CNTN5: variants seen among roughly 807,000 people sequenced by gnomAD.
CNTN5 encodes contactin-5.
CNTN5 carries 77 observed loss-of-function variants against 129.1 expected under a neutral mutation model. That is an observed-to-expected ratio of 0.60 (90% CI 0.50 to 0.72). The LOEUF (loss-of-function observed/expected upper bound fraction) is 0.72, where lower values mean the gene tolerates loss of function less well. Among genes scored for constraint, CNTN5 ranks in the 30% least tolerant of loss-of-function variants. The pLI is 0.00. For synonymous variants in CNTN5, 509 were observed against 465.6 expected, an observed-to-expected ratio of 1.09 and a Z score of -1.20; for missense variants, 1,478 against 1,328.8, an observed-to-expected ratio of 1.11 and a Z score of -1.75.
chr11:100,108,034 G>A (rs1945513395), intron 13 of CNTN5, among the ~76,000 whole-genome samples: 1 of 147,590 alleles, frequency 6.8e-6, no homozygotes. Flanking sequence ...AGCTAGTAAA[G>A]GCATTCGAAG....
intron 3 of CNTN5, among the ~76,000 whole-genome samples, chr11:99,664,059 C>T (rs539065406): frequency 2.0e-5 from 3 of 152,146 alleles, no homozygotes; most frequent in East Asian, 1.9e-4. Flanking sequence ...TGGAACGGCG[C>T]GGGTAGAGAC....
In CNTN5 at chr11:99,489,903, A is replaced by T. The variant is rs769687633; in HGVS notation, c.-70-66242A>T. On this transcript the variant is annotated intron_variant, in intron 2 of 24. Coordinates refer to ENST00000524871, the MANE Select transcript of CNTN5 (RefSeq NM_014361.4). Reference sequence around the variant, plus strand: ...TTGAATGTAAAATAGGAAAACATTTAAAAAAGGAAGATAAATACTTTTGCA... The same window carrying T: ...TTGAATGTAAAATAGGAAAACATTTTAAAAAGGAAGATAAATACTTTTGCA... 3.2e-4 allele frequency among the ~76,000 whole-genome samples: 49 copies of T among 152,318 alleles called. 1 individual carries two copies. The highest frequency in any genetic ancestry group is 6.3e-4 in the Non-Finnish European group (43 of 68,020).
intron 24 of CNTN5, among the ~76,000 whole-genome samples, chr11:100,353,223 A>G (rs1952453734): frequency 6.6e-6 from 1 of 151,578 alleles, no homozygotes; most frequent in Non-Finnish European, 1.5e-5. Context: ...CCACTTCCTG[A>G]GTTTCAGTAT....
chr11:99,061,222 T>C (rs770521910), intron 1 of CNTN5, among the ~76,000 whole-genome samples: 14 of 152,150 alleles, frequency 9.2e-5, no homozygotes, highest in Non-Finnish European at 1.6e-4. Flanking sequence ...TTTGCATATC[T>C]ACATTTTGTC....
At chr11:99,835,927 C>T (rs538165741) in intron 4 of CNTN5, among the ~76,000 whole-genome samples, 1 of 152,002 alleles carries the variant, frequency 6.6e-6, no homozygotes, top group African/African-American at 2.4e-5. Context: ...GATACAGACC[C>T]CAAGAGAGGG....
chr11:99,523,551 C>T (rs1413067267), intron 2 of CNTN5, among the ~76,000 whole-genome samples: 2 of 151,734 alleles, frequency 1.3e-5, no homozygotes, highest in Admixed American at 6.6e-5. Flanking sequence ...GCAAAGGTCA[C>T]TGCACTCCAG....
intron 8 of CNTN5, among the ~76,000 whole-genome samples, chr11:99,975,615 G>A (rs1377011385): frequency 6.6e-6 from 1 of 152,076 alleles, no homozygotes; most frequent in Admixed American, 6.6e-5. Context: ...GGAAAAGTAA[G>A]GCATATCTTA....
intron 1 of CNTN5, among the ~76,000 whole-genome samples, chr11:99,160,571 C>G (rs1860560309): frequency 6.6e-6 from 1 of 152,100 alleles, no homozygotes; most frequent in African/African-American, 2.4e-5. Context: ...TACTAATCAC[C>G]ATTTATACCA....
chr11:99,986,046 TTA>T (rs1485482984), intron 8 of CNTN5, among the ~76,000 whole-genome samples: 1 of 152,182 alleles, frequency 6.6e-6, no homozygotes, highest in Admixed American at 6.5e-5. Context: ...ATTCAAATAA[TTA>T]TGTTTACTAC....
At chr11:99,913,505 G>C (rs1210736628) in intron 6 of CNTN5, among the ~76,000 whole-genome samples, 1 of 151,934 alleles carries the variant, frequency 6.6e-6, no homozygotes, top group Admixed American at 6.6e-5. Flanking sequence ...GGCTTCTGGT[G>C]CTAAAGTTCC....
chr11:99,290,754 G>C (rs1224458616), intron 1 of CNTN5, among the ~76,000 whole-genome samples: 2 of 151,712 alleles, frequency 1.3e-5, no homozygotes, highest in Non-Finnish European at 3.0e-5. Context: ...ATACTACGAA[G>C]ATTCTTGTTA....
At chr11:100,177,129 C>G (rs184562826) in intron 13 of CNTN5, among the ~76,000 whole-genome samples, 9 of 152,022 alleles carry the variant, frequency 5.9e-5, no homozygotes, top group African/African-American at 1.7e-4. Context: ...AGGAAAGGAG[C>G]AAAGACTAGA....
At chr11:99,269,110 G>C (rs1591447221) in intron 1 of CNTN5, among the ~76,000 whole-genome samples, 1 of 151,852 alleles carries the variant, frequency 6.6e-6, no homozygotes, top group South Asian at 2.1e-4. Context: ...TCATCCTGTC[G>C]AAGTGCCAAA....
intron 9 of CNTN5, among the ~76,000 whole-genome samples, chr11:100,007,226 C>A (rs1940251366): frequency 6.6e-6 from 1 of 151,962 alleles, no homozygotes; most frequent in Non-Finnish European, 1.5e-5. Flanking sequence ...CTTAAGGGCC[C>A]TATGATTTTC....
intron 13 of CNTN5, among the ~76,000 whole-genome samples, chr11:100,155,778 A>C (rs1395432113): frequency 6.6e-6 from 1 of 152,058 alleles, no homozygotes; most frequent in African/African-American, 2.4e-5. Flanking sequence ...CTTTGTAGAA[A>C]TTGTCAATGG....
At chr11:99,441,526 C>T (rs188461556) in intron 2 of CNTN5, among the ~76,000 whole-genome samples, 7 of 152,222 alleles carry the variant, frequency 4.6e-5, no homozygotes, top group Admixed American at 4.6e-4. Flanking sequence ...TATATTTCCT[C>T]CAATGTGAAA....
At chr11:100,319,074 G>T (rs1034985151) in intron 21 of CNTN5, among the ~76,000 whole-genome samples, 1 of 151,534 alleles carries the variant, frequency 6.6e-6, no homozygotes. Context: ...CAGAGACCCA[G>T]TTTGGGTCTC....
At chr11:99,193,009 T>C (rs1858723765) in intron 1 of CNTN5, among the ~76,000 whole-genome samples, 1 of 152,092 alleles carries the variant, frequency 6.6e-6, no homozygotes, top group South Asian at 2.1e-4. Flanking sequence ...ATAATCTCAT[T>C]ATGAAGGTTC....
At chr11:100,068,426 A>G (rs1443094475) in intron 10 of CNTN5, among the ~76,000 whole-genome samples, 1 of 152,154 alleles carries the variant, frequency 6.6e-6, no homozygotes, top group Non-Finnish European at 1.5e-5. Context: ...GAGACAGAAT[A>G]GAAGTAGAAC....
Sources: gnomAD v4.1 joint callset for allele counts (sites outside exome capture counted in the v4.1 genomes callset) on GRCh38, gnomAD v4.1.1 for gene constraint, MANE v1.5 for transcripts, NCBI Gene and HGNC (gene_info 2026-07-23, HGNC 2026-07-21) for gene names.